TSC22D1: variants seen among roughly 807,000 people sequenced by gnomAD.
TSC22D1 encodes TSC22 domain family member 1.
A neutral mutation model predicts 74.2 loss-of-function variants in TSC22D1; 9 were observed. That is an observed-to-expected ratio of 0.12 (90% CI 0.07 to 0.21). TSC22D1 has a LOEUF of 0.21. Among genes scored for constraint, TSC22D1 ranks in the 10% least tolerant of loss-of-function variants. The pLI, the probability that TSC22D1 is intolerant of heterozygous loss-of-function variation, is 1.00. For missense variants in TSC22D1, 1,427 were observed against 1,304.7 expected (o/e 1.09, Z -1.44); for synonymous variants, 586 against 492.5 (o/e 1.19, Z -2.51).
chr13:44,537,146 T>C (rs1004396630), intron 1 of TSC22D1: 5 of 881,106 alleles, frequency 5.7e-6, no homozygotes, highest in African/African-American at 5.5e-5. Flanking sequence ...AATTATCACA[T>C]AATACAGATA....
chr13:44,448,887 A>AG (rs1211988234), intron 1 of TSC22D1, among the ~76,000 whole-genome samples: 1 of 79,354 alleles, frequency 1.3e-5, no homozygotes, highest in Admixed American at 1.5e-4. Flanking sequence ...CAGAAATTCT[A>AG]GATCCGTGTG....
intron 1 of TSC22D1, among the ~76,000 whole-genome samples, chr13:44,504,517 T>C (rs772155274): frequency 1.3e-5 from 2 of 149,714 alleles, no homozygotes; most frequent in Non-Finnish European, 2.9e-5. Flanking sequence ...GGTGGGAGGA[T>C]CACCTGAGCC....
chr13:44,539,296 A>G (rs1289900456), intron 1 of TSC22D1: 6 of 985,280 alleles, frequency 6.1e-6, no homozygotes, highest in Non-Finnish European at 7.2e-6. Context: ...AAGATCTAAT[A>G]TGAAGTCCTA....
chr13:44,537,289 TAAAC>T (rs1385820924), intron 1 of TSC22D1: 19 of 974,130 alleles, frequency 2.0e-5, no homozygotes, highest in Middle Eastern at 5.3e-4. Flanking sequence ...AAAGTTTAAA[TAAAC>T]AAATCAGTTC....
intron 1 of TSC22D1, among the ~76,000 whole-genome samples, chr13:44,440,455 G>A (rs1167652443): frequency 6.6e-5 from 10 of 151,996 alleles, no homozygotes; most frequent in Admixed American, 5.9e-4. Context: ...GCTGGGCGTG[G>A]TGGCACATGT....
At chr13:44,448,145 G>C (rs1198622793) in intron 1 of TSC22D1, among the ~76,000 whole-genome samples, 1 of 151,990 alleles carries the variant, frequency 6.6e-6, no homozygotes, top group Non-Finnish European at 1.5e-5. Context: ...AAGTTGTCCT[G>C]ATTATGATTT....
chr13:44,544,560 A>C (rs999484249), intron 1 of TSC22D1, among the ~76,000 whole-genome samples: 45 of 151,754 alleles, frequency 3.0e-4, no homozygotes, highest in African/African-American at 1.1e-3. Flanking sequence ...AAAAAAAACC[A>C]ACGGGAAGGA....
At chr13:44,536,573 A>T in intron 1 of TSC22D1, 1 of 267,004 alleles carries the variant, frequency 3.7e-6, no homozygotes. Flanking sequence ...TCATTTCAAC[A>T]GTTCTTATGA....
chr13:44,449,149 G>A (rs1307688058), intron 1 of TSC22D1, among the ~76,000 whole-genome samples: 1 of 152,160 alleles, frequency 6.6e-6, no homozygotes, highest in Non-Finnish European at 1.5e-5. Context: ...GGTGAGAACT[G>A]GCCCTCCACA....
At chr13:44,557,772 AT>A (rs954468415) in intron 1 of TSC22D1, among the ~76,000 whole-genome samples, 2 of 152,220 alleles carry the variant, frequency 1.3e-5, no homozygotes, top group Non-Finnish European at 2.9e-5. Flanking sequence ...CTTATAAAAA[AT>A]ATCCTAAGTA....
At chr13:44,472,336 C>CATCTCT (rs1249829502) in intron 1 of TSC22D1, among the ~76,000 whole-genome samples, 1 of 152,130 alleles carries the variant, frequency 6.6e-6, no homozygotes, top group Non-Finnish European at 1.5e-5. Flanking sequence ...AAATACTGGT[C>CATCTCT]ATCTCTTTTG....
chr13:44,482,537 TCAAAA>T (rs1233999805), intron 1 of TSC22D1, among the ~76,000 whole-genome samples: 1 of 152,040 alleles, frequency 6.6e-6, no homozygotes, highest in African/African-American at 2.4e-5. Context: ...AGACTCCATC[TCAAAA>T]CAAAACAAAA....
intron 1 of TSC22D1, among the ~76,000 whole-genome samples, chr13:44,517,790 C>CAT (rs1169695675): frequency 3.5e-5 from 1 of 28,176 alleles, no homozygotes; most frequent in Non-Finnish European, 8.9e-5. Flanking sequence ...CATATATATA[C>CAT]ATATATATAC....
intron 1 of TSC22D1, chr13:44,538,884 G>T: frequency 1.0e-6 from 1 of 985,338 alleles, no homozygotes; most frequent in South Asian, 4.7e-5. Flanking sequence ...CCAGTTGAAA[G>T]AAATCTGGGC....
intron 1 of TSC22D1, among the ~76,000 whole-genome samples, chr13:44,559,368 C>T (rs1039613117): frequency 4.6e-5 from 7 of 152,084 alleles, no homozygotes; most frequent in African/African-American, 1.7e-4. Flanking sequence ...GCATTTTTTC[C>T]TAAATTAAAT....
Position 44,573,191 on chromosome 13 carries a change from T to C in TSC22D1, c.2884A>G (p.Thr962Ala), listed in dbSNP as rs1471556271. 1 of 1,614,138 alleles carries C rather than the reference T, an allele frequency of 6.2e-7. No individual in the cohort carries two copies. Among genetic ancestry groups the C allele is most frequent in the East Asian group, 2.2e-5 (1 of 44,886 alleles). Residue 962 changes from threonine (T) to alanine (A), a missense_variant, in exon 1 of 3, where the codon ACA becomes GCA. This residue lies in a region of TSC22D1 where 1,343 missense variants were observed against 1,191.5 expected (regional missense o/e 1.13). Transcript: ENST00000458659. ...LFPLKVLPLT[T>A]PLVDGEDESS... ...TCATCCTCGCCATCCACCAGGGGTG[T>C]CGTCAGCGGTAGCACCTTCAACGGG...
chr13:44,566,645 C>T (rs1231880864), intron 1 of TSC22D1, among the ~76,000 whole-genome samples: 1 of 152,100 alleles, frequency 6.6e-6, no homozygotes, highest in Non-Finnish European at 1.5e-5. Context: ...ACACACACAT[C>T]TATTTTTTCA....
Position 44,576,135 on chromosome 13 carries a change from T to C in TSC22D1, c.-61A>G. The C allele has an allele frequency of 2.1e-6, 3 of 1,424,184 alleles. No homozygotes were observed. In the South Asian group the frequency reaches 4.6e-5, roughly 22 times the overall value. The allele number at this position is 1,424,184 out of a possible 1,614,324, so 88.2% of individuals were successfully genotyped here. ...CAATTTCCTTCTGCACCGTAATCTT[T>C]GTATTGGAGACGCCGGAGAGGAAAA... On this transcript the variant is annotated 5_prime_UTR_variant, in exon 1 of 3. Transcript: ENST00000458659.
chr13:44,474,225 T>C (rs1290418497), intron 1 of TSC22D1: 44 of 985,280 alleles, frequency 4.5e-5, no homozygotes, highest in Non-Finnish European at 5.2e-5. Context: ...CACAGCAGGA[T>C]TATCACTAGA....
Sources: allele counts gnomAD v4.1 joint callset (sites outside exome capture counted in the v4.1 genomes callset), GRCh38; gene constraint gnomAD v4.1.1; regional missense constraint gnomAD v4.1.1; transcripts MANE v1.5; gene names NCBI Gene and HGNC (gene_info 2026-07-23, HGNC 2026-07-21).